The following STMN1 variants were observed in gnomAD, a reference collection of about 807,000 sequenced individuals.
The protein encoded by STMN1 is stathmin.
Under a neutral mutation model 19.7 loss-of-function variants are expected in STMN1, and 3 were observed. That is an observed-to-expected ratio of 0.15 (90% CI 0.07 to 0.39). STMN1 has a LOEUF of 0.39. Among genes scored for constraint, STMN1 ranks in the 10% least tolerant of loss-of-function variants. The probability of loss-of-function intolerance (pLI) is 1.00; values close to 1 mark genes in which losing one functional copy is unlikely to be tolerated. For missense variants in STMN1, 99 were observed against 176.0 expected (o/e 0.56, Z 2.48); for synonymous variants, 59 against 58.9 (o/e 1.00, Z -0.01).
upstream of STMN1, chr1:25,906,426 C>T (rs1055048617): frequency 1.3e-5 from 2 of 154,328 alleles, no homozygotes; most frequent in Admixed American, 1.3e-4. The surrounding 1 kb of genome is among the most constrained non-coding windows in gnomAD (Gnocchi z 4.5). Context: ...CTCTGAGCAC[C>T]AACAGACCCG....
chr1:25,901,196 T>G, intron 4 of STMN1, 109 bp from the exon 5 acceptor site: 10 of 1,528,048 alleles, frequency 6.5e-6, no homozygotes, highest in Non-Finnish European at 8.7e-6. Flanking sequence ...ACAACCTCAG[T>G]GCATATATTA....
At chr1:25,901,150 T>C in intron 4 of STMN1, 63 bp from the exon 5 acceptor site, 1 of 1,556,942 alleles carries the variant, frequency 6.4e-7, no homozygotes, top group Non-Finnish European at 8.6e-7. Flanking sequence ...GCCTGTCAAG[T>C]CACGACCCCC....
At chr1:25,899,442 A>C (rs2048848838), downstream of STMN1, among the ~76,000 whole-genome samples, 1 of 152,188 alleles carries the variant, frequency 6.6e-6, no homozygotes, top group African/African-American at 2.4e-5. Context: ...ATTGCTCAGA[A>C]CCTATTGTTG....
rs143975726 is a variant in STMN1, at chr1:25,904,428, A to C, written c.13+236T>G. On this transcript the variant is annotated intron_variant, in intron 2 of 4. Coordinates refer to ENST00000455785, the MANE Select transcript of STMN1 (RefSeq NM_005563.4). ...GTATCTGACAATCGCTTTCATAAAC[A>C]AAAGACTTGTGCAAACTCCACAATT... Among the ~76,000 whole-genome samples the C allele has an allele frequency of 1.5e-3, 224 of 152,382 alleles. 7 individuals are homozygous for C. The East Asian group carries it at 0.035, about 24-fold the overall frequency.
intron 3 of STMN1, chr1:25,902,152 ATATTCT>A (rs1186178669): frequency 1.4e-5 from 2 of 147,510 alleles, no homozygotes; most frequent in Non-Finnish European, 2.9e-5. Flanking sequence ...TGTGAAAATG[ATATTCT>A]TTTTCTAGTA....
At chr1:25,886,670 C>A (rs1420217977) in intron 4 of STMN1, among the ~76,000 whole-genome samples, 2 of 148,024 alleles carry the variant, frequency 1.4e-5, no homozygotes, top group African/African-American at 2.5e-5. Context: ...CTCACTGCAA[C>A]CTCCGCCTCC....
chr1:25,885,271 G>C (rs370605285), downstream of STMN1: 1 of 154,142 alleles, frequency 6.5e-6, no homozygotes, highest in Admixed American at 6.5e-5. Context: ...CTCTCTAGCT[G>C]ATCCCTGTGA....
Position 25,903,715 on chromosome 1 carries a change from A to T in STMN1, c.112T>A (p.Ser38Thr), listed in dbSNP as rs753821472. 6.2e-7 allele frequency: 1 copy of T among 1,613,816 alleles called. No individual in the cohort carries two copies. The highest frequency in any genetic ancestry group is 1.1e-5 in the South Asian group (1 of 91,058). ...GAAAGATCCTTCTTCTTTGGAGGGG[A>T]AAGGGGGAATTCTGGAACAGATTCT... is the stretch of plus-strand genomic sequence containing the variant. ...SKESVPEFPL[S>T]PPKKKDLSLE... The change falls in exon 3 of 5, where the codon TCC becomes ACC. Residue 38 changes from serine (S) to threonine (T), a missense_variant. Ser to Thr is a moderately conservative substitution (Grantham distance 58). Transcript: ENST00000455785.
At chr1:25,901,739 G>A in intron 3 of STMN1, 57 bp from the exon 4 acceptor site, 1 of 1,525,604 alleles carries the variant, frequency 6.6e-7, no homozygotes, top group South Asian at 1.3e-5. Context: ...GCTGGGTGTG[G>A]TGGCTCACGC....
chr1:25,897,345 C>T (rs368907906), downstream of STMN1, among the ~76,000 whole-genome samples: 3 of 151,588 alleles, frequency 2.0e-5, no homozygotes, highest in African/African-American at 7.2e-5. Context: ...AAAATTTGGC[C>T]TTTATCTTCT....
At chr1:25,885,021 C>G (rs1415652193), downstream of STMN1, 1 of 153,736 alleles carries the variant, frequency 6.5e-6, no homozygotes, top group Non-Finnish European at 1.5e-5. Context: ...GGTTGTATTC[C>G]AGCTTCATTA....
At chr1:25,885,688 A>G in exon 5 of STMN1, 1 of 1,538,066 alleles carries the variant, frequency 6.5e-7, no homozygotes, top group Non-Finnish European at 8.8e-7. Context: ...TCTCAAGGTC[A>G]TTGCTATCAT....
At chr1:25,906,436 G>C (rs1295301646), upstream of STMN1, 4 of 154,202 alleles carry the variant, frequency 2.6e-5, no homozygotes, top group Non-Finnish European at 5.9e-5. The surrounding 1 kb of genome is among the most constrained non-coding windows in gnomAD (Gnocchi z 4.5). Flanking sequence ...CAACAGACCC[G>C]GGCGCGCACA....
At chr1:25,898,630 A>C (rs1190736791), downstream of STMN1, among the ~76,000 whole-genome samples, 1 of 152,270 alleles carries the variant, frequency 6.6e-6, no homozygotes. Context: ...ATAAGGCCCA[A>C]GTACAAAATC....
chr1:25,899,868 C>CTA (rs1478139000), downstream of STMN1, among the ~76,000 whole-genome samples: 1 of 152,124 alleles, frequency 6.6e-6, no homozygotes, highest in African/African-American at 2.4e-5. Context: ...TCATCTTTTG[C>CTA]TATAAGTGCT....
At chr1:25,894,455 G>A (rs2048801827) in intron 4 of STMN1, among the ~76,000 whole-genome samples, 1 of 152,176 alleles carries the variant, frequency 6.6e-6, no homozygotes, top group Admixed American at 6.5e-5. Flanking sequence ...TGAGGCTGGT[G>A]GATTGCTTGA....
intron 2 of STMN1, 88 bp from the exon 3 acceptor site, chr1:25,903,901 TTAATGTATTAAAC>T: frequency 7.3e-7 from 1 of 1,365,214 alleles, no homozygotes; most frequent in Non-Finnish European, 9.8e-7. Context: ...CCAAATCAAT[TTAATGTATTAAAC>T]TAGGGCTGAT....
In STMN1 at chr1:25,906,018, G is replaced by A. The variant is rs998036377; in HGVS notation, c.-63+371C>T. 1.3e-5 allele frequency: 2 copies of A among 152,242 alleles called. No individual in the cohort carries two copies. Among genetic ancestry groups the A allele is most frequent in the Admixed American group, 1.3e-4 (2 of 15,280 alleles). The allele number at this position is 152,242 out of a possible 1,614,324, so 9.4% of individuals were successfully genotyped here. A position where few individuals can be genotyped will look rare whatever the true frequency, so the allele number is the denominator to read the frequency against. The stretch of plus-strand genomic sequence containing the variant: ...TTTGGTCCTAAAGCCGCTGGTCCCT[G>A]GGGCACCGCCCCGTCCCTTCAGACA... On this transcript the variant is annotated intron_variant, in intron 1 of 4. Coordinates refer to ENST00000455785, the MANE Select transcript of STMN1 (RefSeq NM_005563.4). The surrounding 1 kb of genome is among the most constrained non-coding windows in gnomAD (Gnocchi z 4.5).
At chr1:25,885,708 A>G in exon 5 of STMN1, 2 of 1,546,614 alleles carry the variant, frequency 1.3e-6, no homozygotes, top group South Asian at 2.4e-5. Flanking sequence ...TCAACAGCAA[A>G]TATTTATTAA....
Sources: allele counts gnomAD v4.1 joint callset (sites outside exome capture counted in the v4.1 genomes callset), GRCh38; gene constraint gnomAD v4.1.1; non-coding constraint Gnocchi (gnomAD v3.1); transcripts MANE v1.5; gene names NCBI Gene and HGNC (gene_info 2026-07-23, HGNC 2026-07-21).